CRLF2: variants seen among roughly 807,000 people sequenced by gnomAD.
CRLF2 encodes cytokine receptor-like factor 2.
In CRLF2, 41 loss-of-function variants were observed where a neutral mutation model predicts 38.7. That is an observed-to-expected ratio of 1.06 (90% CI 0.83 to 1.37). The LOEUF (loss-of-function observed/expected upper bound fraction) is 1.37. Ranked by LOEUF, CRLF2 falls within the 40% of genes most tolerant of loss-of-function variation. The pLI is 0.00. For missense variants in CRLF2, 377 were observed against 322.2 expected (o/e 1.17, Z -1.30); for synonymous variants, 140 against 128.8 (o/e 1.09, Z -0.59).
chrX:1,202,257 G>A (rs1423340695), intron 4 of CRLF2, 145 bp downstream of exon 4: 1 of 924,848 alleles, frequency 1.1e-6, no homozygotes, highest in African/African-American at 1.7e-5. Context: ...AGCTGGACTA[G>A]AGCTCTCTCA....
Position 1,195,150 on chromosome X carries a change from G to A in CRLF2, c.767+1630C>T, listed in dbSNP as rs1255424911. Among the ~76,000 whole-genome samples the A allele has an allele frequency of 9.8e-3, 1,488 of 151,906 alleles. 10 individuals carry two copies. Among genetic ancestry groups the A allele is most frequent in the South Asian group, 0.015 (74 of 4,794 alleles). ...AGAGGTTGCAGTGAGCCGAGATCAC[G>A]CCACTGCACTCCAGCCTGGGTGACA... On this transcript the variant is annotated intron_variant, in intron 6 of 7. Transcript: ENST00000400841.
chrX:1,196,744 G>A (rs142083864), intron 6 of CRLF2, 36 bp downstream of exon 6: 2 of 1,606,934 alleles, frequency 1.2e-6, no homozygotes, highest in East Asian at 2.2e-5. Context: ...GTGCAAGCAG[G>A]TCCCTCCACC....
At chrX:1,207,325 G>A (rs757119283) in intron 2 of CRLF2, among the ~76,000 whole-genome samples, 1 of 150,074 alleles carries the variant, frequency 6.7e-6, no homozygotes, top group South Asian at 2.1e-4. Context: ...GCGTGATCTC[G>A]GCCCACTGCA....
intron 1 of CRLF2, among the ~76,000 whole-genome samples, chrX:1,209,539 G>C (rs1262442035): frequency 5.3e-5 from 8 of 151,170 alleles, no homozygotes; most frequent in African/African-American, 9.7e-5. Context: ...CACTGTGTTA[G>C]CCAGGATGGT....
At chrX:1,198,756 C>CACAT in intron 4 of CRLF2, 32 bp from the exon 5 acceptor site, 1 of 1,365,772 alleles carries the variant, frequency 7.3e-7, no homozygotes, top group East Asian at 2.5e-5. Context: ...CACACACACA[C>CACAT]ACACACACAC....
intron 6 of CRLF2, among the ~76,000 whole-genome samples, chrX:1,194,002 G>A (rs1454595659): frequency 2.0e-5 from 3 of 151,832 alleles, no homozygotes; most frequent in African/African-American, 7.3e-5. Context: ...GCGTCTGCCT[G>A]TAATCCCAGC....
intron 4 of CRLF2, among the ~76,000 whole-genome samples, chrX:1,199,750 G>A (rs1377682456): frequency 6.6e-6 from 1 of 151,656 alleles, no homozygotes. Context: ...ATATATGTGT[G>A]TATATATAAG....
At position 1,208,888 on chromosome X, in the gene CRLF2, T is replaced by C. The variant is rs1392358909; in HGVS notation, c.100A>G (p.Ile34Val). ...GGAAEGVQIQ[I>V]IYFNLETVQV... ...ACGGTTTCTAAATTGAAGTAGATGATCTGAATCTGTACTCCTTCTGCTAGA... is the reference window on the plus strand; with the variant it reads ...ACGGTTTCTAAATTGAAGTAGATGACCTGAATCTGTACTCCTTCTGCTAGA... The change falls in exon 2 of 8, where the codon ATC becomes GTC. Residue 34 changes from isoleucine (I) to valine (V), a missense_variant. Ile to Val is a conservative substitution (Grantham distance 29). Coordinates refer to ENST00000400841, the MANE Select transcript of CRLF2 (RefSeq NM_022148.4). The C allele has an allele frequency of 6.2e-7, 1 of 1,605,434 alleles. No homozygotes were observed. Among genetic ancestry groups the C allele is most frequent in the South Asian group, 1.1e-5 (1 of 90,884 alleles).
At chrX:1,195,575 T>C (rs1228538354) in intron 6 of CRLF2, among the ~76,000 whole-genome samples, 1 of 147,812 alleles carries the variant, frequency 6.8e-6, no homozygotes, top group East Asian at 2.0e-4. Flanking sequence ...GCCCAGCTAA[T>C]TTTATTTTTT....
intron 5 of CRLF2, among the ~76,000 whole-genome samples, chrX:1,197,273 A>G (rs1367074912): frequency 6.9e-6 from 1 of 145,630 alleles, no homozygotes; most frequent in Non-Finnish European, 1.5e-5. Context: ...TTGTATTTTT[A>G]GTAGAGATGG....
intron 1 of CRLF2, among the ~76,000 whole-genome samples, chrX:1,212,292 C>G (rs1468634747): frequency 6.6e-6 from 1 of 151,184 alleles, no homozygotes; most frequent in African/African-American, 2.4e-5. Flanking sequence ...TTCTGGCCAC[C>G]GAAAGCTCAT....
intron 4 of CRLF2, among the ~76,000 whole-genome samples, chrX:1,199,712 C>T (rs1276489819): frequency 6.6e-6 from 1 of 151,510 alleles, no homozygotes; most frequent in Non-Finnish European, 1.5e-5. Context: ...GATATATGTA[C>T]CAATAAGATA....
intron 4 of CRLF2, among the ~76,000 whole-genome samples, chrX:1,201,268 G>GTGTGCC (rs2086599281): frequency 7.3e-6 from 1 of 137,074 alleles, no homozygotes; most frequent in African/African-American, 3.0e-5. Flanking sequence ...ACATGACTGT[G>GTGTGCC]TGTGTGTGCC....
At chrX:1,199,570 G>T (rs2086563630) in intron 4 of CRLF2, among the ~76,000 whole-genome samples, 1 of 151,960 alleles carries the variant, frequency 6.6e-6, no homozygotes, top group African/African-American at 2.4e-5. Flanking sequence ...CAAAGTGCTG[G>T]GATTAAAGGT....
At chrX:1,212,256 C>T (rs1245355180) in intron 1 of CRLF2, among the ~76,000 whole-genome samples, 2 of 151,552 alleles carry the variant, frequency 1.3e-5, no homozygotes, top group African/African-American at 2.4e-5. Flanking sequence ...TAGATAGACA[C>T]ACACACGCAC....
At chrX:1,211,357 G>GTGGATGGA (rs762348364) in intron 1 of CRLF2, among the ~76,000 whole-genome samples, 5,180 of 46,344 alleles carry the variant, frequency 0.11, 705 homozygotes, top group Middle Eastern at 0.17. Context: ...GGGTGGATGG[G>GTGGATGGA]TGGATGGATG....
chrX:1,196,659 G>T (rs1603394506), intron 6 of CRLF2, 121 bp downstream of exon 6: 2 of 1,239,346 alleles, frequency 1.6e-6, no homozygotes, highest in Non-Finnish European at 2.2e-6. Flanking sequence ...AGAAGAGTGG[G>T]CATTGTATGG....
chrX:1,207,324 C>T (rs1238481012), intron 2 of CRLF2, among the ~76,000 whole-genome samples: 1 of 151,502 alleles, frequency 6.6e-6, no homozygotes, highest in Non-Finnish European at 1.5e-5. Flanking sequence ...GGCGTGATCT[C>T]GGCCCACTGC....
intron 6 of CRLF2, among the ~76,000 whole-genome samples, chrX:1,195,202 A>T (rs2086455240): frequency 6.9e-6 from 1 of 145,582 alleles, no homozygotes; most frequent in Non-Finnish European, 1.5e-5. Flanking sequence ...CAAAATAAAT[A>T]CAGAAATAAA....
Sources: allele counts gnomAD v4.1 joint callset (sites outside exome capture counted in the v4.1 genomes callset), GRCh38; gene constraint gnomAD v4.1.1; transcripts MANE v1.5; gene names NCBI Gene and HGNC (gene_info 2026-07-23, HGNC 2026-07-21).